The following PSEN1 variants were observed in gnomAD, a reference collection of about 807,000 sequenced individuals.
PSEN1 encodes the protein presenilin 1, also known as presenilin-1.
PSEN1 carries 15 observed loss-of-function variants against 53.5 expected under a neutral mutation model. That is an observed-to-expected ratio of 0.28 (90% CI 0.19 to 0.43). The LOEUF (loss-of-function observed/expected upper bound fraction) is 0.43. PSEN1 is among the 20% of genes least tolerant of loss of function. The pLI, the probability that PSEN1 is intolerant of heterozygous loss-of-function variation, is 1.00. For synonymous variants in PSEN1, 208 were observed against 209.8 expected, an observed-to-expected ratio of 0.99 and a Z score of 0.08; for missense variants, 387 against 571.2, an observed-to-expected ratio of 0.68 and a Z score of 3.29.
chr14:73,151,268 G>A (rs1897215249), intron 3 of PSEN1, among the ~76,000 whole-genome samples: 1 of 152,156 alleles, frequency 6.6e-6, no homozygotes, highest in South Asian at 2.1e-4. Context: ...ACATTTGGTA[G>A]GTTCCAGTTT....
intron 9 of PSEN1, among the ~76,000 whole-genome samples, chr14:73,207,533 A>G (rs1299791022): frequency 6.6e-6 from 1 of 152,246 alleles, no homozygotes; most frequent in Non-Finnish European, 1.5e-5. Flanking sequence ...GGCAACTGCA[A>G]GGAAGATACT....
chr14:73,139,748 C>T (rs1183702302), intron 1 of PSEN1, among the ~76,000 whole-genome samples: 1 of 152,056 alleles, frequency 6.6e-6, no homozygotes, highest in Non-Finnish European at 1.5e-5. Context: ...AGAAGTAATA[C>T]CTGATTAATT....
At chr14:73,139,982 G>A (rs909238986) in intron 1 of PSEN1, among the ~76,000 whole-genome samples, 13 of 152,142 alleles carry the variant, frequency 8.5e-5, no homozygotes, top group Admixed American at 2.0e-4. Flanking sequence ...TTAATTAGAC[G>A]TAAATAATCA....
At chr14:73,188,733 C>A (rs1472593253) in intron 6 of PSEN1, among the ~76,000 whole-genome samples, 1 of 152,140 alleles carries the variant, frequency 6.6e-6, no homozygotes, top group African/African-American at 2.4e-5. Flanking sequence ...AGAAGCTTGC[C>A]TATTAAGGTC....
At position 73,176,490 on chromosome 14, in the gene PSEN1, C is replaced by A. The variant is rs144084598; in HGVS notation, c.480+2783C>A. Among the ~76,000 whole-genome samples, 479 of 152,304 alleles carry A rather than the reference C, an allele frequency of 3.1e-3. 2 individuals are homozygous for A. The highest frequency in any genetic ancestry group is 8.7e-3 in the African/African-American group (363 of 41,552). On this transcript the variant is annotated intron_variant, in intron 5 of 11. Transcript: ENST00000324501. ...ATTCAGATTTCCTGCCTTTCCCTTA[C>A]AAAATACCTGTGTAGTTGGATAGGT... is the stretch of plus-strand genomic sequence containing the variant.
chr14:73,151,813 CAT>C (rs1897231857), intron 3 of PSEN1, among the ~76,000 whole-genome samples: 2 of 148,278 alleles, frequency 1.3e-5, no homozygotes, highest in South Asian at 2.1e-4. Context: ...AAGTGATCCA[CAT>C]GTCTTGGCCT....
intron 10 of PSEN1, among the ~76,000 whole-genome samples, chr14:73,215,152 G>A (rs1214855643): frequency 1.3e-5 from 2 of 151,730 alleles, no homozygotes; most frequent in Non-Finnish European, 2.9e-5. Flanking sequence ...GTAGAGACAA[G>A]GTTTCACCAT....
chr14:73,187,121 A>G (rs1390415324), intron 6 of PSEN1, among the ~76,000 whole-genome samples: 1 of 152,276 alleles, frequency 6.6e-6, no homozygotes, highest in East Asian at 1.9e-4. Context: ...TATAATAAGT[A>G]GAACTGAAAG....
chr14:73,165,698 A>G (rs866103085), intron 3 of PSEN1, among the ~76,000 whole-genome samples: 2 of 149,072 alleles, frequency 1.3e-5, no homozygotes, highest in African/African-American at 2.5e-5. Flanking sequence ...TGGTGAGCCG[A>G]GATCGCACCA....
At chr14:73,197,895 T>C in intron 7 of PSEN1, 136 bp from the exon 8 acceptor site, 1 of 643,420 alleles carries the variant, frequency 1.6e-6, no homozygotes, top group Non-Finnish European at 2.8e-6. Context: ...TTATTTCATA[T>C]TCATTCAACG....
intron 10 of PSEN1, among the ~76,000 whole-genome samples, chr14:73,212,737 AG>A (rs2140137512): frequency 6.6e-6 from 1 of 152,342 alleles, no homozygotes; most frequent in African/African-American, 2.4e-5. Context: ...GTTAACACTT[AG>A]GGCTTCTTAG....
rs1900064417 is a variant in PSEN1 at position 73,219,549 on chromosome 14, G to C, written c.*260G>C. The C allele has an allele frequency of 2.1e-6, 1 of 474,084 alleles. No individual in the cohort carries two copies. The highest frequency in any genetic ancestry group is 3.3e-5 in the Admixed American group (1 of 29,914). The allele number at this position is 474,084 out of a possible 1,614,324, so 29.4% of individuals were successfully genotyped here. On this transcript the variant is annotated 3_prime_UTR_variant, in exon 12 of 12. Transcript: ENST00000324501. ...AGAAACTACCAGATTTGAGGGACGA[G>C]GTCAAGGAGATATGATAGGCCCGGA...
intron 7 of PSEN1, 127 bp from the exon 8 acceptor site, chr14:73,197,904 C>A: frequency 3.2e-5 from 20 of 618,638 alleles, no homozygotes; most frequent in East Asian, 6.0e-5. Flanking sequence ...ATTCATTCAA[C>A]GTCTTTTTGT....
intron 9 of PSEN1, chr14:73,208,878 C>T (rs1257313385): frequency 1.5e-5 from 7 of 454,972 alleles, no homozygotes; most frequent in African/African-American, 1.0e-4. Flanking sequence ...CCCATGGCAC[C>T]CAGGCTGTTC....
chr14:73,139,093 CT>C (rs1896839409), intron 1 of PSEN1, among the ~76,000 whole-genome samples: 1 of 151,704 alleles, frequency 6.6e-6, no homozygotes. Context: ...ACCATCCTGG[CT>C]CACGCGGTGA....
intron 3 of PSEN1, among the ~76,000 whole-genome samples, chr14:73,162,407 A>G (rs2140014392): frequency 6.6e-6 from 1 of 151,302 alleles, no homozygotes; most frequent in South Asian, 2.1e-4. Context: ...CAGGGAGGGC[A>G]ATTTGGCATG....
In PSEN1 at chr14:73,170,812, C is replaced by T. The variant is rs746691776; in HGVS notation, c.103C>T (p.Arg35Trp). Residue 35 changes from arginine (R) to tryptophan (W), a missense_variant, in exon 4 of 12, where the codon CGG becomes TGG. Arg to Trp is a moderately radical substitution (Grantham distance 101, BLOSUM62 -3). Transcript: ENST00000324501. Reference sequence around the variant, plus strand: ...GTGCTTATAGAATGACAATAGAGAACGGCAGGAGCACAACGACAGACGGAG... The same window carrying T: ...GTGCTTATAGAATGACAATAGAGAATGGCAGGAGCACAACGACAGACGGAG... ...TVRSQNDNRE[R>W]QEHNDRRSLG... 43 of 1,614,012 alleles carry T rather than the reference C, an allele frequency of 2.7e-5. No individual in the cohort carries two copies. Among genetic ancestry groups the T allele is most frequent in the Admixed American group, 2.5e-4 (15 of 59,980 alleles).
intron 3 of PSEN1, among the ~76,000 whole-genome samples, chr14:73,165,863 C>G (rs1386161290): frequency 1.3e-5 from 2 of 151,970 alleles, no homozygotes; most frequent in Non-Finnish European, 2.9e-5. Flanking sequence ...CGAGACCAGC[C>G]TGGCCAACAT....
chr14:73,151,895 T>TATATATATATATATA (rs1491464395), intron 3 of PSEN1, among the ~76,000 whole-genome samples: 6 of 10,950 alleles, frequency 5.5e-4, no homozygotes, highest in African/African-American at 3.4e-3. Context: ...TATATATATA[T>TATATATATATATATA]TTTTTTTTTT....
Sources: allele counts gnomAD v4.1 joint callset (sites outside exome capture counted in the v4.1 genomes callset), GRCh38; gene constraint gnomAD v4.1.1; transcripts MANE v1.5; gene names NCBI Gene and HGNC (gene_info 2026-07-23, HGNC 2026-07-21).